The following DLG2 variants were observed in gnomAD, a reference collection of about 807,000 sequenced individuals.
DLG2 encodes the protein discs large MAGUK scaffold protein 2.
A neutral mutation model predicts 132.5 loss-of-function variants in DLG2; 45 were observed. The ratio of observed to expected loss-of-function variants is 0.34; its 90% confidence interval spans 0.27 to 0.44. The LOEUF (loss-of-function observed/expected upper bound fraction) is 0.44. DLG2 is among the 20% of genes least tolerant of loss of function. The pLI is 1.00. For synonymous variants in DLG2, 424 were observed against 419.6 expected, an observed-to-expected ratio of 1.01 and a Z score of -0.13; for missense variants, 1,045 against 1,196.9, an observed-to-expected ratio of 0.87 and a Z score of 1.87.
chr11:83,796,823 C>G (rs1445198189), intron 17 of DLG2, among the ~76,000 whole-genome samples: 9 of 152,210 alleles, frequency 5.9e-5, no homozygotes, highest in African/African-American at 2.2e-4. Context: ...TAGAGTGACA[C>G]ATAGCCATTG....
rs2070825337 is a variant in DLG2, at chr11:84,777,320, T to C, written c.358-242589A>G. On this transcript the variant is annotated intron_variant, in intron 6 of 27. Transcript: ENST00000376104. ...ATATATATATATATATATATATATA[T>C]ATATACGTTTTCTTTACCCAGTCAT... Among the ~76,000 whole-genome samples the C allele has an allele frequency of 1.7e-5, 2 of 117,278 alleles. 1 individual carries two copies. Among genetic ancestry groups the C allele is most frequent in the African/African-American group, 6.6e-5 (2 of 30,496 alleles). 76.9% of individuals were successfully genotyped at this position (117,278 alleles called of 152,430 possible).
At chr11:85,049,045 C>G (rs1470303274) in intron 6 of DLG2, among the ~76,000 whole-genome samples, 2 of 151,958 alleles carry the variant, frequency 1.3e-5, no homozygotes, top group Non-Finnish European at 2.9e-5. Context: ...TCTTCAAGTA[C>G]TTTGTATACA....
intron 9 of DLG2, among the ~76,000 whole-genome samples, chr11:84,121,420 ATTATACAG>A (rs2093905671): frequency 6.6e-6 from 1 of 152,176 alleles, no homozygotes; most frequent in Non-Finnish European, 1.5e-5. Flanking sequence ...ATGGGTCCAC[ATTATACAG>A]TAGCCAGTAT....
chr11:85,035,858 C>G (rs1422906590), intron 6 of DLG2, among the ~76,000 whole-genome samples: 1 of 152,086 alleles, frequency 6.6e-6, no homozygotes, highest in Non-Finnish European at 1.5e-5. Flanking sequence ...TAACCCCCAC[C>G]CATCCGTCAT....
intron 6 of DLG2, among the ~76,000 whole-genome samples, chr11:84,881,314 G>T (rs2087297847): frequency 6.6e-6 from 1 of 152,104 alleles, no homozygotes; most frequent in African/African-American, 2.4e-5. Flanking sequence ...AGGGAATGGA[G>T]TTCACCAAGA....
intron 9 of DLG2, among the ~76,000 whole-genome samples, chr11:84,142,961 C>T (rs1422481761): frequency 6.6e-6 from 1 of 151,840 alleles, no homozygotes; most frequent in East Asian, 1.9e-4. Context: ...CCTACTGATT[C>T]TTTTTCTCTG....
At chr11:84,490,829 T>A (rs965806751) in intron 7 of DLG2, among the ~76,000 whole-genome samples, 1 of 151,958 alleles carries the variant, frequency 6.6e-6, no homozygotes, top group Non-Finnish European at 1.5e-5. Context: ...TCTAGAGTTC[T>A]GGAGAGTAGG....
intron 3 of DLG2, among the ~76,000 whole-genome samples, chr11:85,359,656 A>G (rs2083993086): frequency 6.6e-6 from 1 of 152,174 alleles, no homozygotes; most frequent in African/African-American, 2.4e-5. Flanking sequence ...ATGCTGTAGT[A>G]TAATTAGAGA....
intron 6 of DLG2, among the ~76,000 whole-genome samples, chr11:84,731,220 C>T (rs574364075): frequency 1.2e-4 from 18 of 152,070 alleles, no homozygotes; most frequent in East Asian, 5.8e-4. Flanking sequence ...GCTTGGTTGA[C>T]GACGTTAGCA....
chr11:84,143,276 A>T (rs1346533585), intron 9 of DLG2, among the ~76,000 whole-genome samples: 1 of 152,030 alleles, frequency 6.6e-6, no homozygotes, highest in African/African-American at 2.4e-5. Flanking sequence ...GATATTTGAC[A>T]AGGCTTTTCA....
At chr11:83,685,050 A>G (rs544061929) in intron 18 of DLG2, among the ~76,000 whole-genome samples, 1 of 152,160 alleles carries the variant, frequency 6.6e-6, no homozygotes, top group South Asian at 2.1e-4. Context: ...TGGGCTGACA[A>G]TATACAAAAC....
chr11:84,667,498 G>GTTTTTTTTTTTTTTTTTTTGTT (rs57863742), intron 6 of DLG2, among the ~76,000 whole-genome samples: 2 of 122,272 alleles, frequency 1.6e-5, no homozygotes, highest in Non-Finnish European at 3.2e-5. Flanking sequence ...TTTGTTTTTT[G>GTTTTTTTTTTTTTTTTTTTGTT]TTTTTTTTTT....
chr11:83,740,342 C>G (rs974305022), intron 18 of DLG2, among the ~76,000 whole-genome samples: 7 of 152,106 alleles, frequency 4.6e-5, no homozygotes, highest in Non-Finnish European at 1.0e-4. Flanking sequence ...TGAACTACAC[C>G]TATATCCAAT....
intron 18 of DLG2, among the ~76,000 whole-genome samples, chr11:83,716,827 T>C (rs2086816954): frequency 6.6e-6 from 1 of 152,228 alleles, no homozygotes; most frequent in Admixed American, 6.5e-5. Context: ...TACTAGACTT[T>C]AAGCTCCTTG....
intron 7 of DLG2, among the ~76,000 whole-genome samples, chr11:84,356,618 A>C (rs1226422913): frequency 6.6e-6 from 1 of 152,122 alleles, no homozygotes; most frequent in African/African-American, 2.4e-5. Context: ...TAAATGAGTT[A>C]AAATATATAA....
chr11:85,014,625 T>C (rs2059417555), intron 6 of DLG2, among the ~76,000 whole-genome samples: 1 of 152,170 alleles, frequency 6.6e-6, no homozygotes, highest in Non-Finnish European at 1.5e-5. Context: ...ACAGTATTGA[T>C]TTACTTCTTT....
At chr11:84,579,021 T>C (rs1009476519) in intron 6 of DLG2, among the ~76,000 whole-genome samples, 2 of 152,140 alleles carry the variant, frequency 1.3e-5, no homozygotes, top group African/African-American at 4.8e-5. Flanking sequence ...TTCCCATTTT[T>C]CTCTTGCCAC....
intron 3 of DLG2, among the ~76,000 whole-genome samples, chr11:85,570,224 T>C (rs1044149130): frequency 3.3e-5 from 5 of 152,212 alleles, no homozygotes; most frequent in Admixed American, 3.3e-4. Context: ...TTAATAAATG[T>C]GGTTATCTGA....
intron 3 of DLG2, among the ~76,000 whole-genome samples, chr11:85,342,627 TATC>T (rs1380084147): frequency 1.3e-5 from 2 of 152,040 alleles, no homozygotes; most frequent in African/African-American, 2.4e-5. Context: ...AGTCATTTAT[TATC>T]ATTATCAAGT....
Sources: allele counts gnomAD v4.1 joint callset (sites outside exome capture counted in the v4.1 genomes callset), GRCh38; gene constraint gnomAD v4.1.1; transcripts MANE v1.5; gene names NCBI Gene and HGNC (gene_info 2026-07-23, HGNC 2026-07-21).